The following WWOX variants were observed in gnomAD, a reference collection of about 807,000 sequenced individuals.
WWOX encodes WW domain-containing oxidoreductase.
In WWOX, 69 loss-of-function variants were observed where a neutral mutation model predicts 46.2. The ratio of observed to expected loss-of-function variants is 1.49; its 90% CI spans 1.23 to 1.82. WWOX has a LOEUF of 1.82. Among genes scored for constraint, WWOX ranks in the 40% most tolerant of loss-of-function variants. The pLI, the probability that WWOX is intolerant of heterozygous loss-of-function variation, is 0.00. For synonymous variants in WWOX, 359 were observed against 202.6 expected (o/e 1.77, Z -6.56); for missense variants, 919 against 542.6 (o/e 1.69, Z -6.89).
At chr16:78,870,850 C>T (rs1022121595) in intron 8 of WWOX, among the ~76,000 whole-genome samples, 6 of 152,184 alleles carry the variant, frequency 3.9e-5, no homozygotes, top group Admixed American at 3.9e-4. Context: ...AGTCTGCCCA[C>T]CTCAGCTTCC....
chr16:78,868,583 G>C (rs2044057614), intron 8 of WWOX, among the ~76,000 whole-genome samples: 1 of 152,168 alleles, frequency 6.6e-6, no homozygotes, highest in Non-Finnish European at 1.5e-5. Flanking sequence ...TCAGGTGACT[G>C]AGCCAATAGT....
chr16:78,775,012 G>C (rs2050154725), intron 8 of WWOX, among the ~76,000 whole-genome samples: 1 of 152,156 alleles, frequency 6.6e-6, no homozygotes, highest in South Asian at 2.1e-4. Context: ...TAGGTAAGTT[G>C]GGCAGATGGC....
Position 78,388,066 on chromosome 16 carries a change from T to G in WWOX, c.605+1118T>G, listed in dbSNP as rs369759412. Reference sequence around the variant, plus strand: ...TAGTGTCCAATTCTCCTTGCATGGCTGTGTCACCCAGGTTGGAACGTAGTG... The same window carrying G: ...TAGTGTCCAATTCTCCTTGCATGGCGGTGTCACCCAGGTTGGAACGTAGTG... On this transcript the variant is annotated intron_variant, in intron 6 of 8. Transcript: ENST00000566780. Among the ~76,000 whole-genome samples the G allele has an allele frequency of 5.3e-5, 8 of 152,282 alleles. No homozygotes were observed. In the East Asian group the frequency reaches 7.7e-4, roughly 15 times the overall value.
At chr16:79,205,404 G>T (rs1051894509) in intron 8 of WWOX, 1 of 152,176 alleles carries the variant, frequency 6.6e-6, no homozygotes, top group African/African-American at 2.4e-5. Context: ...TGCTAGCAAA[G>T]AAATATTTTT....
chr16:78,533,577 C>T (rs2043683707), intron 8 of WWOX, among the ~76,000 whole-genome samples: 1 of 152,282 alleles, frequency 6.6e-6, no homozygotes, highest in South Asian at 2.1e-4. Context: ...ATTTGAAAGA[C>T]TTCTAGTGGG....
chr16:78,205,975 T>G (rs2036381538), intron 5 of WWOX, among the ~76,000 whole-genome samples: 1 of 151,860 alleles, frequency 6.6e-6, no homozygotes, highest in Non-Finnish European at 1.5e-5. Flanking sequence ...CTCCCTTTCT[T>G]TCCTCCCTCC....
At chr16:78,401,015 T>G (rs1185211897) in intron 6 of WWOX, among the ~76,000 whole-genome samples, 1 of 151,314 alleles carries the variant, frequency 6.6e-6, no homozygotes, top group Non-Finnish European at 1.5e-5. Context: ...AGACGAGGTC[T>G]CCTTGTGTTG....
At chr16:78,481,766 C>T (rs76390820) in intron 8 of WWOX, among the ~76,000 whole-genome samples, 1,228 of 63,398 alleles carry the variant, frequency 0.019, 13 homozygotes, top group Non-Finnish European at 0.029. Context: ...TGTGTGTGTG[C>T]GCGCGCCTGC....
chr16:78,386,133 C>T (rs985367035), intron 5 of WWOX, among the ~76,000 whole-genome samples: 7 of 152,196 alleles, frequency 4.6e-5, no homozygotes, highest in Admixed American at 1.3e-4. Flanking sequence ...TCTCTGTGAT[C>T]TCTTGTAAGA....
At chr16:78,258,261 G>A (rs991651525) in intron 5 of WWOX, among the ~76,000 whole-genome samples, 1 of 152,016 alleles carries the variant, frequency 6.6e-6, no homozygotes, top group African/African-American at 2.4e-5. Flanking sequence ...TTTATTTAAC[G>A]TACCAGCAAA....
intron 8 of WWOX, among the ~76,000 whole-genome samples, chr16:78,467,198 GA>G (rs1340479845): frequency 6.6e-6 from 1 of 152,108 alleles, no homozygotes; most frequent in African/African-American, 2.4e-5. Context: ...AGGTAGGCTG[GA>G]AGTAAATTTA....
In WWOX at chr16:78,430,133, G is replaced by C. The variant is rs560739586; in HGVS notation, c.792-2355G>C. ...TGGCGGAAGATGAAGGAAGGGCAAAGGGATGTCTTACATGACATCAGGCAA... is the reference window on the plus strand; with the variant it reads ...TGGCGGAAGATGAAGGAAGGGCAAACGGATGTCTTACATGACATCAGGCAA... On this transcript the variant is annotated intron_variant, in intron 7 of 8. Coordinates refer to ENST00000566780, the MANE Select transcript of WWOX (RefSeq NM_016373.4). 3.3e-5 allele frequency among the ~76,000 whole-genome samples: 5 copies of C among 152,316 alleles called. No individual in the cohort carries two copies. In the South Asian group the frequency reaches 1.0e-3, roughly 32 times the overall value.
chr16:78,523,919 T>C (rs935342431), intron 8 of WWOX, among the ~76,000 whole-genome samples: 1 of 152,212 alleles, frequency 6.6e-6, no homozygotes, highest in Non-Finnish European at 1.5e-5. Flanking sequence ...TTTTAAGAAA[T>C]ACCAGTGATT....
At chr16:78,771,725 T>C (rs2050068841) in intron 8 of WWOX, among the ~76,000 whole-genome samples, 1 of 152,130 alleles carries the variant, frequency 6.6e-6, no homozygotes, top group Non-Finnish European at 1.5e-5. Context: ...TGAGCCAAGA[T>C]TGTGCCACTG....
intron 8 of WWOX, among the ~76,000 whole-genome samples, chr16:78,438,008 G>A (rs1339948410): frequency 5.3e-5 from 8 of 152,092 alleles, no homozygotes; most frequent in Admixed American, 5.2e-4. Flanking sequence ...CACAAAACCA[G>A]GTGTTGTATC....
chr16:78,486,063 G>A (rs1256891258), intron 8 of WWOX, among the ~76,000 whole-genome samples: 1 of 152,190 alleles, frequency 6.6e-6, no homozygotes, highest in Non-Finnish European at 1.5e-5. Flanking sequence ...CCTTGTGAAT[G>A]CTGTTACCAT....
At chr16:79,133,583 G>A (rs2049924663) in intron 8 of WWOX, among the ~76,000 whole-genome samples, 2 of 152,152 alleles carry the variant, frequency 1.3e-5, no homozygotes, top group African/African-American at 2.4e-5. Context: ...TTAATGGAGT[G>A]CAAGGTGCAG....
At chr16:78,632,358 C>G (rs530975737) in intron 8 of WWOX, among the ~76,000 whole-genome samples, 1 of 152,068 alleles carries the variant, frequency 6.6e-6, no homozygotes, top group Admixed American at 6.6e-5. Context: ...CCCAAAGTAT[C>G]AGAGTCATTA....
intron 8 of WWOX, among the ~76,000 whole-genome samples, chr16:78,913,821 C>T (rs1182586999): frequency 6.6e-6 from 1 of 151,874 alleles, no homozygotes; most frequent in Admixed American, 6.6e-5. Flanking sequence ...CCACAATGCC[C>T]AGCTAACTTT....
Sources: allele counts gnomAD v4.1 joint callset (sites outside exome capture counted in the v4.1 genomes callset), GRCh38; gene constraint gnomAD v4.1.1; transcripts MANE v1.5; gene names NCBI Gene and HGNC (gene_info 2026-07-23, HGNC 2026-07-21).